IL1RAPL1: variants seen among roughly 807,000 people sequenced by gnomAD.
The protein encoded by IL1RAPL1 is interleukin 1 receptor accessory protein like 1.
Under a neutral mutation model 48.4 loss-of-function variants are expected in IL1RAPL1, and 3 were observed. The observed-to-expected ratio is 0.06, with a 90% CI of 0.03 to 0.16. The LOEUF (loss-of-function observed/expected upper bound fraction) is 0.16, where lower values mean the gene tolerates loss of function less well. Among genes scored for constraint, IL1RAPL1 ranks in the 10% least tolerant of loss-of-function variants. IL1RAPL1 has a pLI of 1.00. For missense variants in IL1RAPL1, 349 were observed against 530.6 expected, an observed-to-expected ratio of 0.66 and a Z score of 3.36; for synonymous variants, 185 against 187.7, an observed-to-expected ratio of 0.99 and a Z score of 0.12.
At chrX:29,851,851 G>A (rs5973192) in intron 6 of IL1RAPL1, among the ~76,000 whole-genome samples, 456 of 112,547 alleles carry the variant, frequency 4.1e-3, no homozygotes, top group Non-Finnish European at 6.4e-3. Context: ...GTTCTTTGTT[G>A]TGGCTCATTG....
intron 6 of IL1RAPL1, among the ~76,000 whole-genome samples, chrX:29,735,329 T>C (rs778099225): frequency 1.8e-5 from 2 of 111,999 alleles, no homozygotes; most frequent in African/African-American, 6.5e-5. Flanking sequence ...ACAACTATAT[T>C]GAGCCCACCT....
chrX:29,442,667 G>A (rs1307612529), intron 5 of IL1RAPL1, among the ~76,000 whole-genome samples: 1 of 110,623 alleles, frequency 9.0e-6, no homozygotes, highest in Admixed American at 9.7e-5. Context: ...ACCAGCTTGT[G>A]CGATACAGGG....
chrX:28,631,151 C>T (rs1934396190), intron 1 of IL1RAPL1, among the ~76,000 whole-genome samples: 2 of 111,808 alleles, frequency 1.8e-5, no homozygotes, highest in Admixed American at 1.9e-4. Flanking sequence ...GTACAGTGGG[C>T]TTGTCTGCCA....
intron 2 of IL1RAPL1, among the ~76,000 whole-genome samples, chrX:28,981,784 C>T (rs1298290469): frequency 9.0e-6 from 1 of 111,460 alleles, no homozygotes; most frequent in Non-Finnish European, 1.9e-5. Context: ...TGAAGAGAAG[C>T]CTGCACTTTC....
At chrX:29,441,445 A>G (rs1483864644) in intron 5 of IL1RAPL1, among the ~76,000 whole-genome samples, 1 of 112,166 alleles carries the variant, frequency 8.9e-6, no homozygotes, top group Non-Finnish European at 1.9e-5. Flanking sequence ...GAATGTAACC[A>G]TTGTTGATGT....
intron 5 of IL1RAPL1, among the ~76,000 whole-genome samples, chrX:29,436,419 T>C (rs967535787): frequency 1.8e-5 from 2 of 110,397 alleles, no homozygotes; most frequent in African/African-American, 6.5e-5. Context: ...CTAAGTACCG[T>C]GATTTTGCCT....
At chrX:29,677,303 C>T (rs951281462) in intron 6 of IL1RAPL1, among the ~76,000 whole-genome samples, 1 of 111,942 alleles carries the variant, frequency 8.9e-6, no homozygotes, top group Non-Finnish European at 1.9e-5. Flanking sequence ...ACTTTATCAA[C>T]TTAGTATATT....
intron 2 of IL1RAPL1, among the ~76,000 whole-genome samples, chrX:29,026,991 C>T (rs1447110954): frequency 8.9e-6 from 1 of 112,054 alleles, no homozygotes; most frequent in South Asian, 3.7e-4. Flanking sequence ...TTTACATCCT[C>T]TACCAGAGTG....
intron 2 of IL1RAPL1, among the ~76,000 whole-genome samples, chrX:28,997,431 GT>G (rs1925749769): frequency 9.0e-6 from 1 of 111,482 alleles, no homozygotes; most frequent in Admixed American, 9.6e-5. Context: ...TGTTTCCACA[GT>G]TTAAATGAAA....
intron 5 of IL1RAPL1, among the ~76,000 whole-genome samples, chrX:29,430,717 G>A (rs1164231436): frequency 1.8e-5 from 2 of 109,536 alleles, no homozygotes; most frequent in Admixed American, 1.0e-4. Context: ...TAAGTCTAAT[G>A]TATACTTATA....
chrX:29,427,196 C>A (rs1302641211), intron 5 of IL1RAPL1, among the ~76,000 whole-genome samples: 1 of 111,388 alleles, frequency 9.0e-6, no homozygotes, highest in Admixed American at 9.6e-5. Flanking sequence ...TCTGAAATAT[C>A]TGAGTCAAGG....
chrX:29,379,667 C>T (rs1313556915), intron 3 of IL1RAPL1, among the ~76,000 whole-genome samples: 1 of 111,974 alleles, frequency 8.9e-6, no homozygotes, highest in Non-Finnish European at 1.9e-5. Flanking sequence ...GAAAACTAGC[C>T]ATAACGTTCA....
At chrX:28,764,301 C>T (rs1265541223) in intron 1 of IL1RAPL1, among the ~76,000 whole-genome samples, 2 of 111,821 alleles carry the variant, frequency 1.8e-5, no homozygotes, top group African/African-American at 3.3e-5. Context: ...CTAATCTTGT[C>T]GCACCTGGAA....
At position 29,231,062 on chromosome X, in the gene IL1RAPL1, A is replaced by G. The variant is rs148413153; in HGVS notation, c.83-51876A>G. ...ATATTAGGATTTCTGGTCTTAAGCA[A>G]CAGACTTGAATTTCACTACCTGGAT... On this transcript the variant is annotated intron_variant, in intron 2 of 10. Coordinates refer to ENST00000378993, the MANE Select transcript of IL1RAPL1 (RefSeq NM_014271.4). 2.0e-3 allele frequency among the ~76,000 whole-genome samples: 228 copies of G among 112,535 alleles called. 1 individual carries two copies. In the East Asian group the frequency reaches 0.027, roughly 13 times the overall value.
At chrX:28,797,216 A>G (rs768993209) in intron 2 of IL1RAPL1, among the ~76,000 whole-genome samples, 185 of 111,252 alleles carry the variant, frequency 1.7e-3, no homozygotes, top group Non-Finnish European at 2.0e-3. Context: ...GGGGACTGCT[A>G]TGAAAACCTC....
At chrX:29,066,601 G>C (rs1927455640) in intron 2 of IL1RAPL1, among the ~76,000 whole-genome samples, 1 of 111,891 alleles carries the variant, frequency 8.9e-6, no homozygotes, top group South Asian at 3.7e-4. Context: ...GTGTTGAATA[G>C]AGTCTGTAGC....
Position 28,831,589 on chromosome X carries a change from C to G in IL1RAPL1, c.82+42164C>G, listed in dbSNP as rs750148536. ...TTGTTTTTTTCAAGGCTAATACAGA[C>G]TTGGGGAAAGAGGGATGGAAATAGG... On this transcript the variant is annotated intron_variant, in intron 2 of 10. Transcript: ENST00000378993. 4.6e-5 allele frequency among the ~76,000 whole-genome samples: 5 copies of G among 109,859 alleles called. No homozygotes were observed. The Admixed American group carries it at 4.9e-4, about 11-fold the overall frequency.
chrX:29,879,293 A>G (rs1163938719), intron 6 of IL1RAPL1, among the ~76,000 whole-genome samples: 6 of 107,749 alleles, frequency 5.6e-5, no homozygotes, highest in Non-Finnish European at 9.6e-5. Context: ...AATAGGATTA[A>G]GACTTTGGGG....
At chrX:29,704,368 A>T (rs1185558674) in intron 6 of IL1RAPL1, among the ~76,000 whole-genome samples, 2 of 111,861 alleles carry the variant, frequency 1.8e-5, no homozygotes, top group African/African-American at 6.5e-5. Flanking sequence ...ATGTTAAAAG[A>T]TAGTAATAGA....
Sources: gnomAD v4.1 joint callset for allele counts (sites outside exome capture counted in the v4.1 genomes callset) on GRCh38, gnomAD v4.1.1 for gene constraint, MANE v1.5 for transcripts, NCBI Gene and HGNC (gene_info 2026-07-23, HGNC 2026-07-21) for gene names.